RBL1: variants seen among roughly 807,000 people sequenced by gnomAD.
RBL1 encodes the protein retinoblastoma-like protein 1.
RBL1 carries 82 observed loss-of-function variants against 123.0 expected under a neutral mutation model. The observed-to-expected ratio is 0.67, with a 90% confidence interval of 0.56 to 0.80. The LOEUF (loss-of-function observed/expected upper bound fraction) is 0.80. RBL1 is among the 30% of genes least tolerant of loss of function. The pLI, the probability that RBL1 is intolerant of heterozygous loss-of-function variation, is 0.00. For missense variants in RBL1, 1,171 were observed against 1,299.6 expected (o/e 0.90, Z 1.52); for synonymous variants, 405 against 441.3 (o/e 0.92, Z 1.03).
At chr20:37,050,450 C>T (rs2064889631) in intron 11 of RBL1, among the ~76,000 whole-genome samples, 1 of 139,212 alleles carries the variant, frequency 7.2e-6, no homozygotes. Flanking sequence ...GAGGCTGAGG[C>T]AGGAGAATGG....
intron 1 of RBL1, 54 bp downstream of exon 1, chr20:37,095,719 A>T: frequency 6.8e-7 from 1 of 1,471,594 alleles, no homozygotes; most frequent in Non-Finnish European, 9.2e-7. Context: ...GGGGCGGGGC[A>T]GGGGTGGGGC....
intron 19 of RBL1, among the ~76,000 whole-genome samples, chr20:37,017,619 C>CT (rs2064277149): frequency 1.8e-5 from 1 of 55,524 alleles, no homozygotes; most frequent in Non-Finnish European, 3.7e-5. Flanking sequence ...AGGACATTTT[C>CT]TTGTGTGTGT....
chr20:37,026,432 G>A (rs976957693), intron 16 of RBL1, among the ~76,000 whole-genome samples: 4 of 152,010 alleles, frequency 2.6e-5, no homozygotes, highest in Admixed American at 6.6e-5. Context: ...ATTGCCGGGC[G>A]CAGTGGCTCA....
chr20:37,025,589 T>C (rs1443922775), intron 16 of RBL1, among the ~76,000 whole-genome samples: 1 of 151,986 alleles, frequency 6.6e-6, no homozygotes, highest in Non-Finnish European at 1.5e-5. Context: ...CATTGGTGTA[T>C]GTAACTTCTA....
chr20:37,062,726 C>T (rs1390510549), intron 7 of RBL1, among the ~76,000 whole-genome samples: 2 of 149,918 alleles, frequency 1.3e-5, no homozygotes, highest in African/African-American at 2.5e-5. Context: ...GAGGCCGAGG[C>T]GGGCAGATCA....
At chr20:37,088,723 C>T (rs2065595717) in intron 2 of RBL1, among the ~76,000 whole-genome samples, 1 of 151,500 alleles carries the variant, frequency 6.6e-6, no homozygotes, top group African/African-American at 2.4e-5. Flanking sequence ...ATTAGCCGGG[C>T]TTGGTGGTGT....
At chr20:37,011,686 C>G (rs760306964) in intron 19 of RBL1, among the ~76,000 whole-genome samples, 1 of 152,054 alleles carries the variant, frequency 6.6e-6, no homozygotes, top group South Asian at 2.1e-4. Context: ...CTGCCCGCCT[C>G]GGTCTCCCAA....
At chr20:37,024,534 C>T (rs926928917) in intron 16 of RBL1, among the ~76,000 whole-genome samples, 1 of 152,156 alleles carries the variant, frequency 6.6e-6, no homozygotes, top group African/African-American at 2.4e-5. Flanking sequence ...AGGCATAGAA[C>T]ACCAGCATCA....
rs1170604624 is a variant in RBL1, at chr20:37,000,646, G to A, written c.3037-1717C>T. 3.4e-3 allele frequency among the ~76,000 whole-genome samples: 464 copies of A among 134,960 alleles called. 1 individual carries two copies. Among genetic ancestry groups the A allele is most frequent in the East Asian group, 0.021 (85 of 4,038 alleles). The allele number at this position is 134,960 out of a possible 152,430, so 88.5% of individuals were successfully genotyped here. Reference sequence around the variant, plus strand: ...CCGCCACATCCGGGAGGTGAGGGGCGCCTCTGCCCGGCCGCCCCTACTGGG... The same window carrying A: ...CCGCCACATCCGGGAGGTGAGGGGCACCTCTGCCCGGCCGCCCCTACTGGG... On this transcript the variant is annotated intron_variant, in intron 21 of 21. Coordinates refer to ENST00000373664, the MANE Select transcript of RBL1 (RefSeq NM_002895.5).
At chr20:37,088,857 C>A in intron 2 of RBL1, 132 bp downstream of exon 2, 1 of 543,628 alleles carries the variant, frequency 1.8e-6, no homozygotes, top group Non-Finnish European at 2.5e-6. Flanking sequence ...AGTGAGACTG[C>A]GTCTCAAAAA....
Position 37,002,336 on chromosome 20 carries a change from G to GTTTTTTTTTTTTTT in RBL1, c.3036+1352_3036+1365dup, listed in dbSNP as rs965408801. 2.8e-4 allele frequency among the ~76,000 whole-genome samples: 21 copies of GTTTTTTTTTTTTTT among 76,348 alleles called. 1 individual carries two copies. The highest frequency in any genetic ancestry group is 6.9e-4 in the East Asian group (1 of 1,440). 50.1% of individuals were successfully genotyped at this position (76,348 alleles called of 152,430 possible). A position where few individuals can be genotyped will look rare whatever the true frequency, so the allele number is the denominator to read the frequency against. ...TGAGCCACCGTGCCTAGCCTTATCT[G>GTTTTTTTTTTTTTT]TTTTTTTTTTTTTTTTTTTTTTTTG... On this transcript the variant is annotated intron_variant, in intron 21 of 21. Coordinates refer to ENST00000373664, the MANE Select transcript of RBL1 (RefSeq NM_002895.5).
At chr20:37,045,031 ATGAT>A (rs1173135811) in intron 12 of RBL1, among the ~76,000 whole-genome samples, 1 of 152,004 alleles carries the variant, frequency 6.6e-6, no homozygotes, top group Non-Finnish European at 1.5e-5. Flanking sequence ...TATTAATAAT[ATGAT>A]TGTTAATAGA....
intron 14 of RBL1, among the ~76,000 whole-genome samples, chr20:37,038,634 G>A (rs1370550205): frequency 2.4e-5 from 3 of 125,924 alleles, no homozygotes; most frequent in African/African-American, 9.4e-5. Flanking sequence ...ACAGAGTCTC[G>A]CTCTGTCCGC....
At chr20:37,033,623 T>A in intron 15 of RBL1, among the ~76,000 whole-genome samples, 1 of 151,152 alleles carries the variant, frequency 6.6e-6, no homozygotes. Context: ...ACTTTTTTTT[T>A]TTTTTTTTGA....
intron 11 of RBL1, among the ~76,000 whole-genome samples, chr20:37,051,713 TA>T (rs1304580853): frequency 5.6e-5 from 8 of 141,610 alleles, no homozygotes; most frequent in Admixed American, 1.4e-4. Context: ...AAAACAAAAT[TA>T]AAAAAAAAAG....
chr20:37,072,434 G>A (rs1028000900), intron 2 of RBL1, among the ~76,000 whole-genome samples: 4 of 152,114 alleles, frequency 2.6e-5, no homozygotes, highest in Non-Finnish European at 5.9e-5. Flanking sequence ...GCGGGGAGGC[G>A]GAAGTTGCGG....
chr20:37,007,314 A>T, intron 20 of RBL1, 97 bp downstream of exon 20: 1 of 1,292,248 alleles, frequency 7.7e-7, no homozygotes, highest in Non-Finnish European at 1.1e-6. Context: ...ATTAATTGCT[A>T]GTAATTTTAC....
At chr20:37,076,104 G>A (rs1020484719) in intron 2 of RBL1, among the ~76,000 whole-genome samples, 4 of 152,048 alleles carry the variant, frequency 2.6e-5, no homozygotes, top group Non-Finnish European at 2.9e-5. Context: ...GGTATTTTGG[G>A]AATTTATAAA....
intron 2 of RBL1, among the ~76,000 whole-genome samples, chr20:37,074,370 C>T (rs1250536824): frequency 1.4e-5 from 2 of 147,680 alleles, no homozygotes; most frequent in East Asian, 2.0e-4. Flanking sequence ...GCCATGATTG[C>T]GCCATTGCAC....
Sources: gnomAD v4.1 joint callset for allele counts (sites outside exome capture counted in the v4.1 genomes callset) on GRCh38, gnomAD v4.1.1 for gene constraint, MANE v1.5 for transcripts, NCBI Gene and HGNC (gene_info 2026-07-23, HGNC 2026-07-21) for gene names.